SGCD: variants seen among roughly 807,000 people sequenced by gnomAD.
The protein encoded by SGCD is sarcoglycan delta, also known as delta-sarcoglycan.
In SGCD, 18 loss-of-function variants were observed where a neutral mutation model predicts 36.6. The ratio of observed to expected loss-of-function variants is 0.49; its 90% CI spans 0.34 to 0.73. SGCD has a LOEUF of 0.73. SGCD is among the 30% of genes least tolerant of loss of function. The pLI is 0.01. For missense variants in SGCD, 387 were observed against 346.7 expected, an observed-to-expected ratio of 1.12 and a Z score of -0.92; for synonymous variants, 133 against 130.6, an observed-to-expected ratio of 1.02 and a Z score of -0.12.
chr5:156,198,305 C>T (rs139447853), intron 3 of SGCD, among the ~76,000 whole-genome samples: 1 of 152,120 alleles, frequency 6.6e-6, no homozygotes, highest in African/African-American at 2.4e-5. Context: ...TATGCTGTAT[C>T]GATGATTGTT....
the SGCD span, among the ~76,000 whole-genome samples, chr5:155,864,341 A>G: frequency 1.3e-5 from 2 of 152,128 alleles, no homozygotes; most frequent in East Asian, 3.9e-4. Context: ...GGGAATTTTG[A>G]GCAGAGAAGA....
At chr5:156,299,034 T>A (rs907870644) in intron 3 of SGCD, among the ~76,000 whole-genome samples, 2 of 152,210 alleles carry the variant, frequency 1.3e-5, no homozygotes, top group Non-Finnish European at 2.9e-5. Context: ...TCCTGGAGAT[T>A]TTCTCCAAAG....
At chr5:155,945,659 C>T (rs555736420) in intron 1 of SGCD, among the ~76,000 whole-genome samples, 47 of 152,136 alleles carry the variant, frequency 3.1e-4, no homozygotes, top group African/African-American at 8.4e-4. Flanking sequence ...ATTGTGTGTC[C>T]GGAGGGTGGT....
chr5:156,680,772 G>A (rs1157139069), intron 7 of SGCD, among the ~76,000 whole-genome samples: 4 of 152,190 alleles, frequency 2.6e-5, no homozygotes, highest in Admixed American at 6.5e-5. Context: ...AAATGACAAG[G>A]TAGAAGCACT....
At chr5:156,604,755 T>A (rs1301339118) in intron 6 of SGCD, among the ~76,000 whole-genome samples, 1 of 148,536 alleles carries the variant, frequency 6.7e-6, no homozygotes, top group African/African-American at 2.5e-5. Context: ...TATACACATT[T>A]TATATGTATA....
rs369335772 is a variant in SGCD at position 156,672,088 on chromosome 5, A to G, written c.575+24552A>G. 1.7e-4 allele frequency among the ~76,000 whole-genome samples: 26 copies of G among 152,260 alleles called. No individual in the cohort carries two copies. The East Asian group carries it at 4.2e-3, about 25-fold the overall frequency. ...TTTAATATAAATTTGAAAAGGATAA[A>G]TATCCAAAGTATATCAGACCCCAAA... is the stretch of plus-strand genomic sequence containing the variant. On this transcript the variant is annotated intron_variant, in intron 7 of 8. Transcript: ENST00000337851.
At chr5:156,618,716 A>C (rs1323379626) in intron 6 of SGCD, among the ~76,000 whole-genome samples, 1 of 151,936 alleles carries the variant, frequency 6.6e-6, no homozygotes, top group African/African-American at 2.4e-5. Context: ...TTCCCCTCGC[A>C]AGCTTGAGGG....
chr5:156,071,957 G>GC (rs1760581644), intron 1 of SGCD, among the ~76,000 whole-genome samples: 1 of 152,004 alleles, frequency 6.6e-6, no homozygotes, highest in Admixed American at 6.6e-5. Context: ...TGCAACCCCT[G>GC]CCTTTTTTTG....
chr5:155,890,207 CA>C (rs1472148585), intron 1 of SGCD, among the ~76,000 whole-genome samples: 3 of 152,152 alleles, frequency 2.0e-5, no homozygotes, highest in Admixed American at 2.0e-4. Context: ...AAACTCTGTG[CA>C]GGCAGACAAA....
intron 3 of SGCD, among the ~76,000 whole-genome samples, chr5:156,146,815 G>A (rs1294152164): frequency 6.6e-6 from 1 of 152,208 alleles, no homozygotes; most frequent in African/African-American, 2.4e-5. Flanking sequence ...CCCAGGTAGG[G>A]AGGGTGGGGA....
At chr5:155,969,800 T>C (rs898821010) in intron 1 of SGCD, among the ~76,000 whole-genome samples, 2 of 152,108 alleles carry the variant, frequency 1.3e-5, no homozygotes, top group African/African-American at 2.4e-5. Context: ...CAATATTGTT[T>C]AGAAAATCTT....
intron 7 of SGCD, among the ~76,000 whole-genome samples, chr5:156,681,542 T>G (rs780130319): frequency 1.3e-5 from 2 of 152,164 alleles, no homozygotes; most frequent in African/African-American, 4.8e-5. Flanking sequence ...GGTTCCAGGC[T>G]TAAGGGTGGA....
rs1297351541 is a variant in SGCD, at chr5:156,060,979, CCT to C, written c.-281-56896_-281-56895del. On this transcript the variant is annotated intron_variant, in intron 1 of 9. Transcript: ENST00000517913. ...TCCTATCACCGTGGTCAGCGGAATC[CCT>C]CTGTCTTTTCTCTGTGTCTGGACTC... Among the ~76,000 whole-genome samples, 3 of 144,614 alleles carry C rather than the reference CCT, an allele frequency of 2.1e-5. 1 individual carries two copies. The highest frequency in any genetic ancestry group is 4.7e-5 in the Non-Finnish European group (3 of 64,344). 94.9% of individuals were successfully genotyped at this position (144,614 alleles called of 152,430 possible). A position where few individuals can be genotyped will look rare whatever the true frequency, so the allele number is the denominator to read the frequency against.
chr5:155,906,364 A>G (rs1407942692), intron 1 of SGCD, among the ~76,000 whole-genome samples: 1 of 152,156 alleles, frequency 6.6e-6, no homozygotes, highest in Admixed American at 6.6e-5. Context: ...AGAGAGTTGC[A>G]TGTCTCACAT....
At chr5:155,811,040 ATC>A in the SGCD span, among the ~76,000 whole-genome samples, 1 of 150,428 alleles carries the variant, frequency 6.6e-6, no homozygotes, top group African/African-American at 2.5e-5. Flanking sequence ...GATGGTCTCG[ATC>A]TCCTGACCTC....
At chr5:156,458,412 A>T in intron 3 of SGCD, 1 of 1,599,404 alleles carries the variant, frequency 6.3e-7, no homozygotes, top group Non-Finnish European at 8.6e-7. Context: ...GATGTGATCG[A>T]TGTAGTAGAC....
At chr5:156,523,265 G>A (rs1757488203) in intron 4 of SGCD, among the ~76,000 whole-genome samples, 1 of 152,128 alleles carries the variant, frequency 6.6e-6, no homozygotes, top group Non-Finnish European at 1.5e-5. Flanking sequence ...TGTTTAGTGT[G>A]ACAAGTGGTT....
intron 3 of SGCD, among the ~76,000 whole-genome samples, chr5:156,127,387 C>T (rs75038019): frequency 0.025 from 3,790 of 152,022 alleles, 160 homozygotes; most frequent in African/African-American, 0.087. Context: ...GAAGATTGCA[C>T]GAGGTCAGGA....
intron 1 of SGCD, among the ~76,000 whole-genome samples, chr5:156,092,453 G>A (rs148839601): frequency 3.3e-5 from 5 of 152,254 alleles, no homozygotes; most frequent in Non-Finnish European, 4.4e-5. Context: ...ACATATCATA[G>A]CAGAACTCCT....
Sources: allele counts gnomAD v4.1 joint callset (sites outside exome capture counted in the v4.1 genomes callset), GRCh38; gene constraint gnomAD v4.1.1; transcripts MANE v1.5; gene names NCBI Gene and HGNC (gene_info 2026-07-23, HGNC 2026-07-21).